The following ACSM1 variants were observed in gnomAD, a reference collection of about 807,000 sequenced individuals.
The protein encoded by ACSM1 is acyl-CoA synthetase medium chain family member 1.
In ACSM1, 79 loss-of-function variants were observed where a neutral mutation model predicts 75.8. The ratio of observed to expected loss-of-function variants is 1.04; its 90% CI spans 0.87 to 1.26. The LOEUF is 1.26. Ranked by LOEUF, ACSM1 falls within the 50% of genes most tolerant of loss-of-function variation. The pLI, the probability that ACSM1 is intolerant of heterozygous loss-of-function variation, is 0.00. For missense variants in ACSM1, 676 were observed against 720.1 expected, an observed-to-expected ratio of 0.94 and a Z score of 0.70; for synonymous variants, 279 against 265.8, an observed-to-expected ratio of 1.05 and a Z score of -0.48.
At chr16:20,669,307 C>A (rs1413979382) in intron 6 of ACSM1, among the ~76,000 whole-genome samples, 2 of 152,108 alleles carry the variant, frequency 1.3e-5, no homozygotes, top group East Asian at 3.9e-4. Context: ...TATTAAAAGA[C>A]CTATTTTGCA....
chr16:20,656,034 A>G (rs2018940004), intron 7 of ACSM1, among the ~76,000 whole-genome samples: 1 of 152,194 alleles, frequency 6.6e-6, no homozygotes, highest in Non-Finnish European at 1.5e-5. Context: ...ATATCTTAAA[A>G]GTGCTACTCT....
chr16:20,655,426 A>T (rs2018905453), intron 7 of ACSM1, among the ~76,000 whole-genome samples: 1 of 151,782 alleles, frequency 6.6e-6, no homozygotes, highest in African/African-American at 2.4e-5. Context: ...AAATAAAAAA[A>T]GAAAGAGGGA....
chr16:20,666,737 G>A lies in ACSM1; in HGVS notation c.912+3090C>T, dbSNP rs375274194. On this transcript the variant is annotated intron_variant, in intron 6 of 13. Coordinates refer to ENST00000520010, the MANE Select transcript of ACSM1 (RefSeq NM_001318890.3). ...TCATAAGGCTACAGTAACCAAAACA[G>A]CATGGTACTGGTACAAAAACAGACA... is the stretch of plus-strand genomic sequence containing the variant. Among the ~76,000 whole-genome samples the A allele has an allele frequency of 9.9e-4, 150 of 152,262 alleles. 3 individuals are homozygous for A. In the South Asian group the frequency reaches 0.03, roughly 30 times the overall value.
chr16:20,652,821 G>C (rs1369200619), intron 7 of ACSM1, among the ~76,000 whole-genome samples: 1 of 152,122 alleles, frequency 6.6e-6, no homozygotes, highest in Non-Finnish European at 1.5e-5. Flanking sequence ...TTCTGCCAGA[G>C]GTACAAGGAG....
intron 8 of ACSM1, among the ~76,000 whole-genome samples, 156 bp downstream of exon 8, chr16:20,640,305 T>C (rs1345175811): frequency 2.6e-5 from 4 of 152,212 alleles, no homozygotes; most frequent in Non-Finnish European, 5.9e-5. Context: ...TTTTCCCCAA[T>C]ATCTGCCTTT....
intron 7 of ACSM1, among the ~76,000 whole-genome samples, chr16:20,653,901 C>G (rs1464311823): frequency 6.7e-6 from 1 of 149,650 alleles, no homozygotes; most frequent in Non-Finnish European, 1.5e-5. Flanking sequence ...TTGGAAAAAA[C>G]TACTTTAAAG....
chr16:20,654,381 A>G (rs1164514414), intron 7 of ACSM1, among the ~76,000 whole-genome samples: 16 of 152,352 alleles, frequency 1.1e-4, no homozygotes, highest in Non-Finnish European at 4.4e-5. Flanking sequence ...AATGGCAACA[A>G]AAACCAAAAT....
chr16:20,662,645 G>A (rs2019356910), intron 6 of ACSM1, among the ~76,000 whole-genome samples: 1 of 152,076 alleles, frequency 6.6e-6, no homozygotes, highest in Non-Finnish European at 1.5e-5. Flanking sequence ...TGTAAAATGG[G>A]AACGTCCATA....
intron 7 of ACSM1, among the ~76,000 whole-genome samples, chr16:20,653,092 G>A (rs2077661962): frequency 6.6e-6 from 1 of 152,116 alleles, no homozygotes; most frequent in South Asian, 2.1e-4. Context: ...TGCAAGGCTG[G>A]TTCAACATAT....
At chr16:20,642,558 A>C (rs1435875531) in intron 7 of ACSM1, among the ~76,000 whole-genome samples, 1 of 152,222 alleles carries the variant, frequency 6.6e-6, no homozygotes, top group Admixed American at 6.5e-5. Flanking sequence ...GGAGGACAGA[A>C]TATAGCTAAT....
chr16:20,631,358 T>TA (rs1406621348), intron 10 of ACSM1, among the ~76,000 whole-genome samples: 2 of 152,186 alleles, frequency 1.3e-5, no homozygotes, highest in South Asian at 2.1e-4. Flanking sequence ...TTGTCATTGT[T>TA]AAAAAAATCA....
chr16:20,655,287 T>C (rs1596858285), intron 7 of ACSM1, among the ~76,000 whole-genome samples: 2 of 148,280 alleles, frequency 1.3e-5, no homozygotes, highest in African/African-American at 4.9e-5. Flanking sequence ...TTAGGAGATA[T>C]ACCTAATGTA....
At chr16:20,627,165 C>T (rs573459627) in intron 11 of ACSM1, 24 bp downstream of exon 11, 1 of 1,504,320 alleles carries the variant, frequency 6.6e-7, no homozygotes, top group Non-Finnish European at 8.8e-7. Flanking sequence ...CAACAACAGC[C>T]AGCCCAGCAT....
At position 20,669,910 on chromosome 16, in the gene ACSM1, A is replaced by C. The variant is rs1002938429; in HGVS notation, c.829T>G (p.Trp277Gly). The change falls in exon 6 of 14, where the codon TGG becomes GGG. Residue 277 changes from tryptophan to glycine, a missense_variant. Trp to Gly is a radical substitution (Grantham distance 184, BLOSUM62 -2). Transcript: ENST00000520010. ...SDSGWIVATI[W>G]TLVEPWTAGC... is the part of the protein sequence containing the mutation. Reference sequence around the variant, plus strand: ...GCTGTCCATGGTTCTACCAGGGTCCAAATGGTAGCCACAATCCATCCTGAG... The same window carrying C: ...GCTGTCCATGGTTCTACCAGGGTCCCAATGGTAGCCACAATCCATCCTGAG... 1.2e-6 allele frequency: 2 copies of C among 1,613,964 alleles called. No homozygotes were observed. Among genetic ancestry groups the C allele is most frequent in the East Asian group, 4.5e-5 (2 of 44,864 alleles).
intron 10 of ACSM1, among the ~76,000 whole-genome samples, chr16:20,629,021 T>C (rs528113701): frequency 2.0e-4 from 30 of 152,338 alleles, no homozygotes; most frequent in African/African-American, 7.0e-4. Flanking sequence ...CTTCTGATTG[T>C]TCTGAGTATA....
chr16:20,630,150 G>C (rs1333654148), intron 10 of ACSM1, among the ~76,000 whole-genome samples: 1 of 146,412 alleles, frequency 6.8e-6, no homozygotes, highest in African/African-American at 2.5e-5. Flanking sequence ...TCAGAGTTTC[G>C]CTCTTGTTGC....
At chr16:20,636,637 T>G in intron 10 of ACSM1, 102 bp downstream of exon 10, 1 of 791,728 alleles carries the variant, frequency 1.3e-6, no homozygotes, top group Non-Finnish European at 2.1e-6. Flanking sequence ...ATTCATTTCA[T>G]TGAGTTAGAG....
intron 8 of ACSM1, among the ~76,000 whole-genome samples, chr16:20,638,688 T>C (rs1336236115): frequency 6.6e-6 from 1 of 152,194 alleles, no homozygotes; most frequent in African/African-American, 2.4e-5. Flanking sequence ...AATATCCTTA[T>C]GGTCTTCAAG....
chr16:20,672,465 A>T (rs373475209), intron 4 of ACSM1, among the ~76,000 whole-genome samples: 3 of 106,374 alleles, frequency 2.8e-5, no homozygotes, highest in African/African-American at 1.1e-4. Context: ...AAAAAAAAAA[A>T]AAAAAAATAT....
Sources: allele counts gnomAD v4.1 joint callset (sites outside exome capture counted in the v4.1 genomes callset), GRCh38; gene constraint gnomAD v4.1.1; transcripts MANE v1.5; gene names NCBI Gene and HGNC (gene_info 2026-07-23, HGNC 2026-07-21).